Variants in ITPR3 observed in about 807,000 individuals in gnomAD.
The protein encoded by ITPR3 is inositol 1,4,5-trisphosphate receptor type 3, also known as inositol 1,4,5-trisphosphate-gated calcium channel ITPR3.
A neutral mutation model predicts 293.2 loss-of-function variants in ITPR3; 173 were observed. The ratio of observed to expected loss-of-function variants is 0.59; its 90% CI spans 0.52 to 0.67. The LOEUF is 0.67. Ranked by LOEUF, ITPR3 falls within the 30% of genes least tolerant of loss-of-function variation. The pLI, the probability that ITPR3 is intolerant of heterozygous loss-of-function variation, is 0.00. For synonymous variants in ITPR3, 1,295 were observed against 1,444.4 expected (o/e 0.90, Z 2.35); for missense variants, 2,796 against 3,592.1 (o/e 0.78, Z 5.66).
At chr6:33,665,399 GAACT>G (rs1764584251) in intron 13 of ITPR3, among the ~76,000 whole-genome samples, 186 bp downstream of exon 13, 1 of 152,244 alleles carries the variant, frequency 6.6e-6, no homozygotes, top group Non-Finnish European at 1.5e-5. Context: ...GGTACTCCCA[GAACT>G]AACCCTATGA....
At chr6:33,642,330 G>A (rs567877211) in intron 2 of ITPR3, among the ~76,000 whole-genome samples, 26 of 152,178 alleles carry the variant, frequency 1.7e-4, no homozygotes, top group Admixed American at 9.2e-4. Flanking sequence ...ATGGGAGGGC[G>A]TTGAGGCTGC....
chr6:33,671,133 C>T, intron 20 of ITPR3, 32 bp from the exon 21 acceptor site: 1 of 1,611,674 alleles, frequency 6.2e-7, no homozygotes, highest in Non-Finnish European at 8.5e-7. Flanking sequence ...GCCGGCCCCT[C>T]CCACCTCACC....
chr6:33,651,846 C>A (rs773790166), intron 2 of ITPR3, among the ~76,000 whole-genome samples: 2 of 152,180 alleles, frequency 1.3e-5, no homozygotes, highest in African/African-American at 4.8e-5. Context: ...GTACCATGAC[C>A]AGGGACAGGG....
Position 33,678,782 on chromosome 6 carries a change from C to G in ITPR3, c.3915C>G (p.Thr1305=). ...TGCAGTACCTGGACTTCCTGCACAC[C>G]GTCATTAAGGCCGAGGGCAAGTACG... ...RHVQYLDFLH[T]VIKAEGKYVK... The change falls in exon 30 of 58, where the codon ACC becomes ACG. Residue 1305 remains threonine (T), a synonymous_variant. Transcript: ENST00000605930. The G allele has an allele frequency of 6.2e-7, 1 of 1,613,484 alleles. No individual in the cohort carries two copies. The highest frequency in any genetic ancestry group is 8.5e-7 in the Non-Finnish European group (1 of 1,179,868).
chr6:33,695,186 C>G, intron 57 of ITPR3, 101 bp downstream of exon 57: 1 of 1,328,382 alleles, frequency 7.5e-7, no homozygotes, highest in Non-Finnish European at 1.0e-6. Context: ...CCACTGGCCT[C>G]TGGCCCTGGG....
At chr6:33,688,598 AG>A in intron 48 of ITPR3, 57 bp from the exon 49 acceptor site, 1 of 1,604,994 alleles carries the variant, frequency 6.2e-7, no homozygotes, top group Non-Finnish European at 8.5e-7. Flanking sequence ...CCCACATGCA[AG>A]GGGCAGGGGG....
chr6:33,676,256 T>C (rs729424), intron 25 of ITPR3, among the ~76,000 whole-genome samples: 47,628 of 152,088 alleles, frequency 0.31, 8,319 homozygotes, highest in African/African-American at 0.48. Context: ...AGGCACTGAG[T>C]ACTGGACTTG....
chr6:33,663,132 A>G (rs1250562716), intron 9 of ITPR3, 126 bp downstream of exon 9: 4 of 737,306 alleles, frequency 5.4e-6, no homozygotes, highest in Admixed American at 4.7e-5. Flanking sequence ...CTCTGCACTC[A>G]TGCATTTATC....
At chr6:33,623,889 C>T (rs1436972584) in intron 1 of ITPR3, among the ~76,000 whole-genome samples, 2 of 152,158 alleles carry the variant, frequency 1.3e-5, no homozygotes, top group African/African-American at 4.8e-5. Flanking sequence ...GGATGTCCAC[C>T]CTCCTAGCAT....
chr6:33,663,852 T>G lies in ITPR3; in HGVS notation c.1120T>G (p.Leu374Val), dbSNP rs932584439. The G allele has an allele frequency of 6.2e-7, 1 of 1,614,072 alleles. No homozygotes were observed. Among genetic ancestry groups the G allele is most frequent in the African/African-American group, 1.3e-5 (1 of 74,920 alleles). The change falls in exon 11 of 58, where the codon TTG becomes GTG. Residue 374 changes from leucine (L) to valine (V), a missense_variant. By Grantham distance (32) the Leu-to-Val change is conservative. Around this residue, in one of 8 missense-constraint regions of ITPR3, gnomAD observed 955 missense variants for 1,180.8 expected, o/e 0.81. Transcript: ENST00000605930. The stretch of plus-strand genomic sequence containing the variant: ...TCTCTTTGAGCTGGACCCCACCACC[T>G]TGCAGAAAACCGACTCTTTCGTGCC... ...ASLFELDPTT[L>V]QKTDSFVPRN...
At chr6:33,685,222 C>G (rs926582465) in intron 39 of ITPR3, 137 bp from the exon 40 acceptor site, 2 of 900,836 alleles carry the variant, frequency 2.2e-6, no homozygotes, top group Non-Finnish European at 3.4e-6. Context: ...GCCATGGATG[C>G]TAGCCACCAG....
Position 33,688,104 on chromosome 6 carries a change from G to A in ITPR3, c.6312G>A (p.Ala2104=), listed in dbSNP as rs769900552. 24 of 1,614,096 alleles carry A rather than the reference G, an allele frequency of 1.5e-5. No homozygotes were observed. The highest frequency in any genetic ancestry group is 1.9e-5 in the Non-Finnish European group (22 of 1,180,000). Residue 2104 remains alanine, a synonymous_variant, in exon 47 of 58, where the codon GCG becomes GCA. Transcript: ENST00000605930. ...TGTCACAGATGCTCAAGTCCTCAGC[G>A]CCAGCACAGGAGGAGGAGGAAGACC... The part of the protein sequence containing the change: ...KQLSQMLKSS[A]PAQEEEEDPL...
At chr6:33,688,845 G>A (rs1284795226) in intron 49 of ITPR3, 64 bp downstream of exon 49, 2 of 1,609,510 alleles carry the variant, frequency 1.2e-6, no homozygotes, top group Non-Finnish European at 1.7e-6. Context: ...CTGGGTTGGG[G>A]CAGAGCCTTG....
chr6:33,643,427 A>G (rs1004085348), intron 2 of ITPR3, among the ~76,000 whole-genome samples: 1 of 152,210 alleles, frequency 6.6e-6, no homozygotes, highest in South Asian at 2.1e-4. Context: ...CTAAGCCCCA[A>G]CATGTTCAGG....
rs1212704234 is a variant in ITPR3 at position 33,655,566 on chromosome 6, G to A, written c.161-200G>A. On this transcript the variant is annotated intron_variant, in intron 2 of 57. Transcript: ENST00000605930. This position sits in a 1 kb window ranked among gnomAD's most constrained non-coding sequence, Gnocchi z 4.9. The stretch of plus-strand genomic sequence containing the variant: ...ATGCACTGCTCTCAAACCTGCCTCT[G>A]AGCCTCCCCATTCTACTCAGCATAT... Among the ~76,000 whole-genome samples the A allele has an allele frequency of 2.6e-5, 4 of 152,184 alleles. No individual in the cohort carries two copies. Among genetic ancestry groups the A allele is most frequent in the Admixed American group, 2.0e-4 (3 of 15,276 alleles).
rs1306142359 is a variant in ITPR3, at chr6:33,679,453, C to T, written c.3973-429C>T. ...AACAAGACATGATGTGCTGGAACTG[C>T]TGTACAGTGTTAGTTTTATTAATTT... On this transcript the variant is annotated intron_variant, in intron 30 of 57. Transcript: ENST00000605930. This position sits in a 1 kb window ranked among gnomAD's most constrained non-coding sequence, Gnocchi z 4.2. 1.3e-5 allele frequency among the ~76,000 whole-genome samples: 2 copies of T among 152,192 alleles called. No homozygotes were observed.
rs150420581 is a variant in ITPR3, at chr6:33,623,321, G to GTTTTTTT, written c.89+1634_89+1635insTTTTTTT. Among the ~76,000 whole-genome samples the GTTTTTTT allele has an allele frequency of 4.2e-5, 5 of 118,282 alleles. 1 individual carries two copies. The highest frequency in any genetic ancestry group is 6.7e-5 in the Non-Finnish European group (4 of 59,606). 77.6% of individuals were successfully genotyped at this position (118,282 alleles called of 152,430 possible). On this transcript the variant is annotated intron_variant, in intron 1 of 57. Coordinates refer to ENST00000605930, the MANE Select transcript of ITPR3 (RefSeq NM_002224.4). ...CATGATGATTTTCAAGTGCCTGTGA[G>GTTTTTTT]TTTTGTTTTTTTTTTTTTTTTTTAA...
Position 33,693,696 on chromosome 6 carries a change from G to C in ITPR3, c.7776G>C (p.Gln2592His), listed in dbSNP as rs1765457448. ...DYTGPESYVA[Q>H]MIKNKNLDWF... ...CGGGCCCTGAGAGCTACGTGGCCCA[G>C]ATGATCAAGGTGTGAGCAGGGGCTG... is the stretch of plus-strand genomic sequence containing the variant. Residue 2592 changes from glutamine (Q) to histidine (H), a missense_variant, in exon 56 of 58, where the codon CAG (glutamine) becomes CAC (histidine). Coordinates refer to ENST00000605930, the MANE Select transcript of ITPR3 (RefSeq NM_002224.4). 1.9e-6 allele frequency: 3 copies of C among 1,614,122 alleles called. No homozygotes were observed. Among genetic ancestry groups the C allele is most frequent in the Non-Finnish European group, 2.5e-6 (3 of 1,179,994 alleles).
At position 33,691,398 on chromosome 6, in the gene ITPR3, C is replaced by T. The variant is rs902798241; in HGVS notation, c.7226-217C>T. 1.1e-4 allele frequency among the ~76,000 whole-genome samples: 16 copies of T among 152,246 alleles called. No individual in the cohort carries two copies. Among genetic ancestry groups the T allele is most frequent in the East Asian group, 1.9e-4 (1 of 5,178 alleles). On this transcript the variant is annotated intron_variant, in intron 52 of 57. Coordinates refer to ENST00000605930, the MANE Select transcript of ITPR3 (RefSeq NM_002224.4). This position sits in a 1 kb window ranked among gnomAD's most constrained non-coding sequence, Gnocchi z 4.9. Reference sequence around the variant, plus strand: ...AAACCCAGTATTTGCAGAAACTGCCCGTGTGCCAGGCCTAGGGGTACAGAG... The same window carrying T: ...AAACCCAGTATTTGCAGAAACTGCCTGTGTGCCAGGCCTAGGGGTACAGAG...
Sources: gnomAD v4.1 joint callset for allele counts (sites outside exome capture counted in the v4.1 genomes callset) on GRCh38, gnomAD v4.1.1 for gene constraint, gnomAD v4.1.1 regional missense constraint, Gnocchi (gnomAD v3.1) non-coding constraint, MANE v1.5 for transcripts, NCBI Gene and HGNC (gene_info 2026-07-23, HGNC 2026-07-21) for gene names.